Variants in PTHLH observed in about 807,000 individuals in gnomAD.
The protein encoded by PTHLH is parathyroid hormone like hormone.
Under a neutral mutation model 18.6 loss-of-function variants are expected in PTHLH, and 5 were observed. That is an observed-to-expected ratio of 0.27 (90% CI 0.14 to 0.56). The LOEUF is 0.56. Ranked by LOEUF, PTHLH falls within the 20% of genes least tolerant of loss-of-function variation. PTHLH has a pLI of 0.92. For missense variants in PTHLH, 207 were observed against 223.9 expected, an observed-to-expected ratio of 0.92 and a Z score of 0.48; for synonymous variants, 90 against 94.0, an observed-to-expected ratio of 0.96 and a Z score of 0.25.
At chr12:27,969,999 A>G (rs756413035) in intron 3 of PTHLH, 26 bp downstream of exon 3, 1 of 519,058 alleles carries the variant, frequency 1.9e-6, no homozygotes, top group Non-Finnish European at 3.8e-6. Context: ...CGAAACCCAC[A>G]TATATATACA....
intron 4 of PTHLH, among the ~76,000 whole-genome samples, chr12:27,965,352 G>A (rs1452816693): frequency 2.6e-5 from 4 of 152,196 alleles, no homozygotes; most frequent in African/African-American, 9.6e-5. Flanking sequence ...TATATGCATG[G>A]GGCATAGAGT....
intron 4 of PTHLH, among the ~76,000 whole-genome samples, chr12:27,964,250 CT>C (rs2062788741): frequency 5.0e-5 from 2 of 40,080 alleles, no homozygotes; most frequent in South Asian, 7.8e-4. Flanking sequence ...CTCTCTCTCT[CT>C]CTCTCTCTCT....
chr12:27,966,137 T>C (rs1466695067), intron 4 of PTHLH, among the ~76,000 whole-genome samples: 1 of 152,234 alleles, frequency 6.6e-6, no homozygotes, highest in Non-Finnish European at 1.5e-5. Context: ...TTGGCCAGCC[T>C]GTCAACTGTG....
At chr12:27,963,872 A>G (rs1467539233) in intron 4 of PTHLH, 102 bp from the exon 5 acceptor site, 1 of 1,199,056 alleles carries the variant, frequency 8.3e-7, no homozygotes, top group African/African-American at 1.5e-5. Flanking sequence ...TAGTTGGTCC[A>G]CCGTAAGACA....
chr12:27,971,250 T>C (rs1189905362), intron 2 of PTHLH, among the ~76,000 whole-genome samples: 1 of 152,156 alleles, frequency 6.6e-6, no homozygotes, highest in Non-Finnish European at 1.5e-5. Flanking sequence ...TGTGCTGCTC[T>C]GCCTGGGAGA....
intron 4 of PTHLH, among the ~76,000 whole-genome samples, chr12:27,966,627 G>C (rs1398924474): frequency 6.6e-6 from 1 of 152,066 alleles, no homozygotes; most frequent in Non-Finnish European, 1.5e-5. Context: ...ACATTACATA[G>C]CACTATGGTT....
Position 27,958,712 on chromosome 12 carries a change from G to T in PTHLH, c.525-144C>A. ...AGGGAACTTCTTGTAAATATCTCCT[G>T]CAAGAGGTATCTGTGGGATCCACCC... On this transcript the variant is annotated intron_variant, in intron 5 of 5. Coordinates refer to ENST00000545234, the MANE Select transcript of PTHLH (RefSeq NM_198965.2). 1.3e-5 allele frequency: 10 copies of T among 742,874 alleles called. No homozygotes were observed. In the South Asian group the frequency reaches 1.8e-4, roughly 13 times the overall value. The allele number at this position is 742,874 out of a possible 1,614,324, so 46.0% of individuals were successfully genotyped here.
intron 2 of PTHLH, among the ~76,000 whole-genome samples, chr12:27,970,706 C>T (rs1246533840): frequency 6.6e-6 from 1 of 152,082 alleles, no homozygotes; most frequent in Non-Finnish European, 1.5e-5. Context: ...CCAAGACCAC[C>T]AGGGGCGGAC....
At position 27,961,964 on chromosome 12, in the gene PTHLH, C is replaced by G; in HGVS notation, c.524+1384G>C. On this transcript the variant is annotated intron_variant, in intron 5 of 5. Coordinates refer to ENST00000545234, the MANE Select transcript of PTHLH (RefSeq NM_198965.2). Reference sequence around the variant, plus strand: ...TATGATGTGTTCTTCTGTTGTTTTCCTTTTTTTTTTTCAAACCCCACAGAA... The same window carrying G: ...TATGATGTGTTCTTCTGTTGTTTTCGTTTTTTTTTTTCAAACCCCACAGAA... 3.7e-6 allele frequency: 2 copies of G among 547,012 alleles called. 1 individual carries two copies. The highest frequency in any genetic ancestry group is 5.9e-4 in the Middle Eastern group (2 of 3,362). The allele number at this position is 547,012 out of a possible 1,614,324, so 33.9% of individuals were successfully genotyped here.
intron 4 of PTHLH, among the ~76,000 whole-genome samples, chr12:27,965,739 C>T (rs2062807058): frequency 6.6e-6 from 1 of 152,184 alleles, no homozygotes; most frequent in Non-Finnish European, 1.5e-5. Flanking sequence ...TTCACTTACT[C>T]TGCGGTAATA....
intron 4 of PTHLH, among the ~76,000 whole-genome samples, chr12:27,967,211 C>T (rs1266334462): frequency 6.6e-6 from 1 of 152,202 alleles, no homozygotes; most frequent in Non-Finnish European, 1.5e-5. Flanking sequence ...TGCACAAGAA[C>T]ATCCATAGGC....
Position 27,958,119 on chromosome 12 carries a change from C to G in PTHLH, c.*440G>C, listed in dbSNP as rs984896455. ...ATTAGATTATATTTTATTAGACATT[C>G]TTTACAAATTTAAAATACTGTTATT... On this transcript the variant is annotated 3_prime_UTR_variant, in exon 6 of 6. Coordinates refer to ENST00000545234, the MANE Select transcript of PTHLH (RefSeq NM_198965.2). The G allele has an allele frequency of 6.6e-6, 1 of 152,594 alleles. No homozygotes were observed. Among genetic ancestry groups the G allele is most frequent in the African/African-American group, 2.4e-5 (1 of 41,446 alleles). 9.5% of individuals were successfully genotyped at this position (152,594 alleles called of 1,614,324 possible). A position where few individuals can be genotyped will look rare whatever the true frequency, so the allele number is the denominator to read the frequency against.
At chr12:27,961,963 C>A (rs779671289) in intron 5 of PTHLH, 5 of 715,834 alleles carry the variant, frequency 7.0e-6, no homozygotes, top group South Asian at 6.1e-5. Flanking sequence ...CTGTTGTTTT[C>A]CTTTTTTTTT....
Position 27,963,644 on chromosome 12 carries a change from C to T in PTHLH, c.228G>A (p.Ser76=), listed in dbSNP as rs745833158. 1.9e-6 allele frequency: 3 copies of T among 1,613,982 alleles called. No individual in the cohort carries two copies. The highest frequency in any genetic ancestry group is 1.7e-5 in the Admixed American group (1 of 60,004). ...EIHTAEIRAT[S]EVSPNSKPSP... ...AGGGCTTGGAGTTAGGGGACACCTC[C>T]GAGGTAGCTCTGATTTCAGCTGTGT... The change falls in exon 5 of 6, where the codon TCG becomes TCA. Residue 76 remains serine (S), a synonymous_variant. Coordinates refer to ENST00000545234, the MANE Select transcript of PTHLH (RefSeq NM_198965.2).
Position 27,969,397 on chromosome 12 carries a change from C to G in PTHLH, c.98G>C (p.Arg33Pro). The change falls in exon 4 of 6, where the codon CGC becomes CCC. Residue 33 changes from arginine to proline, a missense_variant. Transcript: ENST00000545234. ...CGRSVEGLSR[R>P]LKRAVSEHQL... ...CTGGGGAGGATGGGGCACTTACAGG[C>G]GGCGGCTGAGACCCTCCACCGAGCG... 6.3e-7 allele frequency: 1 copy of G among 1,577,468 alleles called. No homozygotes were observed. Among genetic ancestry groups the G allele is most frequent in the South Asian group, 1.2e-5 (1 of 86,626 alleles).
intron 5 of PTHLH, chr12:27,962,117 C>A (rs2062767135): frequency 1.9e-6 from 1 of 524,284 alleles, no homozygotes; most frequent in Middle Eastern, 3.1e-4. Context: ...TTGGGGCCAC[C>A]TATTTCAATT....
chr12:27,971,602 G>A (rs767423033), intron 2 of PTHLH, among the ~76,000 whole-genome samples: 3 of 151,948 alleles, frequency 2.0e-5, no homozygotes, highest in Admixed American at 1.3e-4. Context: ...CTGTCACCGA[G>A]ACCCTCGCTC....
intron 4 of PTHLH, 92 bp downstream of exon 4, chr12:27,969,302 T>C (rs935999444): frequency 3.9e-6 from 5 of 1,271,084 alleles, no homozygotes; most frequent in Non-Finnish European, 5.5e-6. Flanking sequence ...GGAGCATCGG[T>C]GACCGCTGCA....
intron 4 of PTHLH, 114 bp from the exon 5 acceptor site, chr12:27,963,884 A>G: frequency 9.4e-7 from 1 of 1,066,772 alleles, no homozygotes; most frequent in South Asian, 1.5e-5. Context: ...CGTAAGACAC[A>G]AGCTGGATGG....
Sources: allele counts gnomAD v4.1 joint callset (sites outside exome capture counted in the v4.1 genomes callset), GRCh38; gene constraint gnomAD v4.1.1; transcripts MANE v1.5; gene names NCBI Gene and HGNC (gene_info 2026-07-23, HGNC 2026-07-21).